Variants in OCA2 observed in about 807,000 individuals in gnomAD.
OCA2 encodes OCA2 melanosomal transmembrane protein.
Under a neutral mutation model 100.2 loss-of-function variants are expected in OCA2, and 77 were observed. The observed-to-expected ratio is 0.77, with a 90% CI of 0.64 to 0.93. The LOEUF (loss-of-function observed/expected upper bound fraction) is 0.93, where lower values mean the gene tolerates loss of function less well. Among genes scored for constraint, OCA2 ranks in the 40% least tolerant of loss-of-function variants. The probability of loss-of-function intolerance (pLI) is 0.00; values close to 1 mark genes in which losing one functional copy is unlikely to be tolerated. For missense variants in OCA2, 1,062 were observed against 1,089.1 expected (o/e 0.98, Z 0.35); for synonymous variants, 432 against 439.2 (o/e 0.98, Z 0.21).
intron 23 of OCA2, among the ~76,000 whole-genome samples, chr15:27,811,379 A>AG (rs1315162684): frequency 3.3e-5 from 5 of 152,132 alleles, no homozygotes; most frequent in Non-Finnish European, 7.4e-5. Context: ...GGTGAGAGGG[A>AG]GGTGTGACAT....
intron 14 of OCA2, among the ~76,000 whole-genome samples, chr15:27,980,159 T>A (rs188023806): frequency 6.6e-6 from 1 of 152,172 alleles, no homozygotes; most frequent in Admixed American, 6.5e-5. Context: ...AGTCTCGCTC[T>A]GTTGCCCAGG....
the OCA2 span, among the ~76,000 whole-genome samples, chr15:27,747,581 AACCACCCAG>A: frequency 6.6e-6 from 1 of 152,196 alleles, no homozygotes; most frequent in Non-Finnish European, 1.5e-5. Flanking sequence ...CTCAGTGCAG[AACCACCCAG>A]ACGTCAGTTT....
At chr15:27,771,373 G>A (rs2031840479) in intron 23 of OCA2, among the ~76,000 whole-genome samples, 1 of 146,682 alleles carries the variant, frequency 6.8e-6, no homozygotes, top group South Asian at 2.2e-4. Context: ...AGGCCCCGGG[G>A]GAGAGAGAAG....
At chr15:27,995,981 T>C (rs1040725348) in intron 9 of OCA2, among the ~76,000 whole-genome samples, 1 of 151,886 alleles carries the variant, frequency 6.6e-6, no homozygotes, top group African/African-American at 2.4e-5. Flanking sequence ...CCTGACTAAT[T>C]TTTGTATTTT....
intron 19 of OCA2, among the ~76,000 whole-genome samples, chr15:27,906,429 T>G (rs2038178976): frequency 6.6e-6 from 1 of 151,042 alleles, no homozygotes; most frequent in East Asian, 1.9e-4. Flanking sequence ...TCAAAGCAAG[T>G]AAGAGAATAA....
chr15:27,974,046 T>C (rs1212524666), intron 14 of OCA2, among the ~76,000 whole-genome samples: 1 of 152,202 alleles, frequency 6.6e-6, no homozygotes, highest in Non-Finnish European at 1.5e-5. Context: ...AACCTGAGAT[T>C]TTACTGAATT....
At chr15:27,930,714 G>A (rs1368608725) in intron 18 of OCA2, among the ~76,000 whole-genome samples, 2 of 148,052 alleles carry the variant, frequency 1.4e-5, no homozygotes, top group Non-Finnish European at 3.0e-5. Flanking sequence ...GGTGCTGGGA[G>A]GTCAGGAGTA....
the OCA2 span, among the ~76,000 whole-genome samples, chr15:27,723,974 C>G: frequency 2.0e-5 from 3 of 152,166 alleles, no homozygotes; most frequent in African/African-American, 7.2e-5. Context: ...GCCCTGCCGT[C>G]AGCTCCTATG....
intron 2 of OCA2, among the ~76,000 whole-genome samples, chr15:28,033,362 ATC>A (rs2042962163): frequency 3.3e-5 from 5 of 152,230 alleles, no homozygotes; most frequent in Admixed American, 3.3e-4. Flanking sequence ...ATTCTTTCTG[ATC>A]ACGAATGCAC....
intron 21 of OCA2, among the ~76,000 whole-genome samples, chr15:27,867,156 C>T (rs1252923726): frequency 6.6e-6 from 1 of 152,222 alleles, no homozygotes; most frequent in African/African-American, 2.4e-5. Flanking sequence ...GTTCTGTTCA[C>T]TGCAACTGTT....
At chr15:28,007,574 C>T (rs531903438) in intron 9 of OCA2, among the ~76,000 whole-genome samples, 1 of 152,168 alleles carries the variant, frequency 6.6e-6, no homozygotes, top group African/African-American at 2.4e-5. Flanking sequence ...ACTAAAGATA[C>T]AAAAAATTAG....
chr15:27,826,991 C>A (rs982780963), intron 23 of OCA2, among the ~76,000 whole-genome samples: 1 of 152,260 alleles, frequency 6.6e-6, no homozygotes, highest in Admixed American at 6.5e-5. Flanking sequence ...GGTCTCCCGG[C>A]AAGATGCCCT....
Position 27,882,611 on chromosome 15 carries a change from G to A in OCA2, c.2080-10689C>T, listed in dbSNP as rs560145274. 9.1e-4 allele frequency among the ~76,000 whole-genome samples: 139 copies of A among 152,018 alleles called. No individual in the cohort carries two copies. In the Middle Eastern group the frequency reaches 0.01, roughly 11 times the overall value. On this transcript the variant is annotated intron_variant, in intron 19 of 23. Transcript: ENST00000354638. ...ATTTTTTTCTTATTCTTTGTACATCGAGTCCTTTGGTACTGTCTCCTGGAT... is the reference window on the plus strand; with the variant it reads ...ATTTTTTTCTTATTCTTTGTACATCAAGTCCTTTGGTACTGTCTCCTGGAT...
chr15:27,960,429 G>A (rs1246395459), intron 15 of OCA2, among the ~76,000 whole-genome samples: 2 of 152,158 alleles, frequency 1.3e-5, no homozygotes, highest in Non-Finnish European at 2.9e-5. Flanking sequence ...CCCAGGATAT[G>A]CTGGCACAGC....
chr15:27,858,376 AAAAG>A (rs1236382784), intron 21 of OCA2, among the ~76,000 whole-genome samples: 1 of 151,766 alleles, frequency 6.6e-6, no homozygotes, highest in Admixed American at 6.6e-5. Flanking sequence ...TCTGCCTCCA[AAAAG>A]AAAGAAAGAA....
chr15:28,089,483 C>A (rs1469181137), intron 1 of OCA2, among the ~76,000 whole-genome samples: 1 of 152,146 alleles, frequency 6.6e-6, no homozygotes, highest in African/African-American at 2.4e-5. Context: ...TCCATGAAAT[C>A]TTCACAATTT....
chr15:27,951,454 A>C (rs1025142662), intron 18 of OCA2, among the ~76,000 whole-genome samples: 1 of 151,946 alleles, frequency 6.6e-6, no homozygotes, highest in African/African-American at 2.4e-5. Context: ...TCTTCTGGGA[A>C]CCATGTAAAG....
intron 19 of OCA2, among the ~76,000 whole-genome samples, chr15:27,905,339 A>G (rs1413313890): frequency 6.6e-6 from 1 of 152,212 alleles, no homozygotes; most frequent in Non-Finnish European, 1.5e-5. Flanking sequence ...AAAGTGTAAA[A>G]TATCTGAACT....
chr15:28,082,017 C>G (rs980400086), intron 1 of OCA2, 122 bp from the exon 2 acceptor site: 7 of 801,760 alleles, frequency 8.7e-6, no homozygotes, highest in Non-Finnish European at 1.4e-5. Flanking sequence ...TTCCAGCATC[C>G]TAACCACGCA....
Sources: allele counts gnomAD v4.1 joint callset (sites outside exome capture counted in the v4.1 genomes callset), GRCh38; gene constraint gnomAD v4.1.1; transcripts MANE v1.5; gene names NCBI Gene and HGNC (gene_info 2026-07-23, HGNC 2026-07-21).